FARP1: variants seen among roughly 807,000 people sequenced by gnomAD.
FARP1 encodes the protein FERM, ARHGEF and pleckstrin domain-containing protein 1.
A neutral mutation model predicts 128.8 loss-of-function variants in FARP1; 52 were observed. The ratio of observed to expected loss-of-function variants is 0.40; its 90% confidence interval spans 0.32 to 0.51. FARP1 has a LOEUF of 0.51. Among genes scored for constraint, FARP1 ranks in the 20% least tolerant of loss-of-function variants. The probability of loss-of-function intolerance (pLI) is 0.45; values close to 1 mark genes in which losing one functional copy is unlikely to be tolerated. For missense variants in FARP1, 1,333 were observed against 1,367.9 expected (o/e 0.97, Z 0.40); for synonymous variants, 580 against 551.8 (o/e 1.05, Z -0.72).
chr13:98,299,258 T>G (rs185895627), intron 2 of FARP1, among the ~76,000 whole-genome samples: 2,149 of 152,224 alleles, frequency 0.014, 17 homozygotes, highest in South Asian at 0.036. Flanking sequence ...TGGCATAGGG[T>G]GTTTTATTAA....
intron 1 of FARP1, among the ~76,000 whole-genome samples, chr13:98,185,112 A>G (rs1219139208): frequency 3.3e-5 from 5 of 152,250 alleles, no homozygotes; most frequent in African/African-American, 1.2e-4. Flanking sequence ...TCACAGATAG[A>G]TAAAAGTAAA....
intron 5 of FARP1, among the ~76,000 whole-genome samples, chr13:98,373,581 C>CACACACAG (rs1341717941): frequency 6.9e-6 from 1 of 145,148 alleles, no homozygotes; most frequent in Non-Finnish European, 1.5e-5. Context: ...CACACACACA[C>CACACACAG]AGAAAGGGGG....
rs1891986378 is a variant in FARP1 at position 98,430,940 on chromosome 13, A to G, written c.1906-103A>G. 3 of 697,522 alleles carry G rather than the reference A, an allele frequency of 4.3e-6. No homozygotes were observed. The South Asian group carries it at 5.4e-5, about 12-fold the overall frequency. The allele number at this position is 697,522 out of a possible 1,614,324, so 43.2% of individuals were successfully genotyped here. ...TTAAGGAAATTAAACAAATCGTGAA[A>G]TAGAGAGTGCAGGAGCGCTTCATTT... On this transcript the variant is annotated intron_variant, in intron 17 of 26. Transcript: ENST00000319562.
chr13:98,431,886 G>C (rs928289942), intron 18 of FARP1: 2 of 152,208 alleles, frequency 1.3e-5, no homozygotes, highest in Non-Finnish European at 2.9e-5. Flanking sequence ...GAGAAGCTCC[G>C]CTTACAGTTA....
rs1317970557 is a variant in FARP1 at position 98,344,807 on chromosome 13, A to T, written c.276+941A>T. Reference sequence around the variant, plus strand: ...AATGAGAACAAGTTGTGTTTTCTCAATTTATTCCCACCTCCAAACACTCTG... The same window carrying T: ...AATGAGAACAAGTTGTGTTTTCTCATTTTATTCCCACCTCCAAACACTCTG... On this transcript the variant is annotated intron_variant, in intron 3 of 26. Coordinates refer to ENST00000319562, the MANE Select transcript of FARP1 (RefSeq NM_005766.4). Among the ~76,000 whole-genome samples, 7 of 152,192 alleles carry T rather than the reference A, an allele frequency of 4.6e-5. 1 individual carries two copies. Among genetic ancestry groups the T allele is most frequent in the Admixed American group, 4.6e-4 (7 of 15,276 alleles).
chr13:98,383,849 G>T (rs1401519928), intron 6 of FARP1: 1 of 152,112 alleles, frequency 6.6e-6, no homozygotes, highest in Non-Finnish European at 1.5e-5. Flanking sequence ...AGATAAAAAC[G>T]TGTAAGACTT....
intron 2 of FARP1, among the ~76,000 whole-genome samples, chr13:98,277,926 C>G (rs549780041): frequency 1.3e-5 from 1 of 76,108 alleles, no homozygotes; most frequent in East Asian, 2.7e-4. Flanking sequence ...TATTGTGCAG[C>G]GAGGGTCAAA....
chr13:98,191,353 A>G (rs1053580510), intron 1 of FARP1, among the ~76,000 whole-genome samples: 3 of 152,216 alleles, frequency 2.0e-5, no homozygotes, highest in Non-Finnish European at 4.4e-5. Flanking sequence ...AAATGAAACT[A>G]AATAGCAGTT....
At chr13:98,365,783 A>C (rs774906395) in intron 4 of FARP1, among the ~76,000 whole-genome samples, 2 of 152,210 alleles carry the variant, frequency 1.3e-5, no homozygotes, top group Admixed American at 1.3e-4. Flanking sequence ...CCATTTATTC[A>C]TAAAATTGTT....
At chr13:98,314,149 G>C (rs1350010099) in intron 2 of FARP1, among the ~76,000 whole-genome samples, 1 of 152,142 alleles carries the variant, frequency 6.6e-6, no homozygotes, top group African/African-American at 2.4e-5. Context: ...GTCAGTGTTT[G>C]ACATGGAGCC....
In FARP1 at chr13:98,323,023, G is replaced by C. The variant is rs374570259; in HGVS notation, c.172-20739G>C. The stretch of plus-strand genomic sequence containing the variant: ...AAACAGTAATATTAGATATATGGTT[G>C]CTGGCACTACACAATTGCAGGATGT... On this transcript the variant is annotated intron_variant, in intron 2 of 26. Transcript: ENST00000319562. Among the ~76,000 whole-genome samples, 64 of 152,270 alleles carry C rather than the reference G, an allele frequency of 4.2e-4. No individual in the cohort carries two copies. In the South Asian group the frequency reaches 0.013, roughly 31 times the overall value.
chr13:98,173,418 C>G (rs1877785701), intron 1 of FARP1, among the ~76,000 whole-genome samples: 1 of 152,128 alleles, frequency 6.6e-6, no homozygotes, highest in African/African-American at 2.4e-5. Flanking sequence ...TTTTCATGTG[C>G]TCTAGGTTTT....
chr13:98,446,759 C>G lies in FARP1; in HGVS notation c.2998C>G (p.Leu1000Val), dbSNP rs966737892. 4.3e-6 allele frequency: 7 copies of G among 1,614,076 alleles called. No individual in the cohort carries two copies. In the African/African-American group the frequency reaches 9.3e-5, roughly 22 times the overall value. The change falls in exon 26 of 27, where the codon CTG (leucine) becomes GTG (valine). Residue 1000 changes from leucine (L) to valine (V), a missense_variant. Leu to Val is a conservative substitution (Grantham distance 32). Transcript: ENST00000319562. ...CATCCAGAAAGACTACGTGTTCAAGCTGCACTTCAAGTCCCACGTCTACTA... is the reference window on the plus strand; with the variant it reads ...CATCCAGAAAGACTACGTGTTCAAGGTGCACTTCAAGTCCCACGTCTACTA... ...ENIQKDYVFK[L>V]HFKSHVYYFR... is the part of the protein sequence containing the mutation.
At chr13:98,387,343 T>A (rs1890133573) in intron 8 of FARP1, among the ~76,000 whole-genome samples, 1 of 152,122 alleles carries the variant, frequency 6.6e-6, no homozygotes, top group African/African-American at 2.4e-5. Flanking sequence ...AGTACTATCA[T>A]TAAATTTCAA....
chr13:98,451,042 C>CCCGTTCATACCAGTATT lies in FARP1; in HGVS notation c.*2727_*2743dup, dbSNP rs1481743907. 6.6e-6 allele frequency: 1 copy of CCCGTTCATACCAGTATT among 152,138 alleles called. No homozygotes were observed. Among genetic ancestry groups the CCCGTTCATACCAGTATT allele is most frequent in the East Asian group, 1.9e-4 (1 of 5,194 alleles). 9.4% of individuals were successfully genotyped at this position (152,138 alleles called of 1,614,324 possible). On this transcript the variant is annotated 3_prime_UTR_variant, in exon 27 of 27. Transcript: ENST00000319562. ...ATTTGTCTGGCGACTGCAGAGACTC[C>CCCGTTCATACCAGTATT]CCGTTCATACCAGTATTCATTAGAA...
In FARP1 at chr13:98,455,063, A is replaced by C. The variant is rs1373725758; in HGVS notation, c.*6746A>C. ...GCTGCGTCTGAATGGAGATGTGCTA[A>C]GTGTAAAACACACACCAACTCCAAA... On this transcript the variant is annotated 3_prime_UTR_variant, in exon 27 of 27. Transcript: ENST00000319562. The C allele has an allele frequency of 1.3e-5, 2 of 152,246 alleles. No homozygotes were observed. Among genetic ancestry groups the C allele is most frequent in the East Asian group, 1.9e-4 (1 of 5,208 alleles). 9.4% of individuals were successfully genotyped at this position (152,246 alleles called of 1,614,324 possible).
intron 1 of FARP1, among the ~76,000 whole-genome samples, chr13:98,174,555 G>A (rs1264233359): frequency 1.3e-5 from 2 of 152,198 alleles, no homozygotes; most frequent in African/African-American, 4.8e-5. Context: ...GACGGACTTA[G>A]GGGTAGGGCC....
intron 1 of FARP1, among the ~76,000 whole-genome samples, chr13:98,156,689 G>A (rs1262656113): frequency 4.6e-5 from 7 of 152,086 alleles, no homozygotes; most frequent in Non-Finnish European, 8.8e-5. Context: ...ATGAGCCACT[G>A]TACCTGGCCC....
intron 1 of FARP1, among the ~76,000 whole-genome samples, chr13:98,180,245 G>T (rs753410637): frequency 1.3e-5 from 2 of 152,114 alleles, no homozygotes; most frequent in Non-Finnish European, 1.5e-5. Context: ...GGCAAAGGGG[G>T]AGCAGGCTGT....
Sources: allele counts gnomAD v4.1 joint callset (sites outside exome capture counted in the v4.1 genomes callset), GRCh38; gene constraint gnomAD v4.1.1; transcripts MANE v1.5; gene names NCBI Gene and HGNC (gene_info 2026-07-23, HGNC 2026-07-21).